The following IPO11 variants were observed in gnomAD, a reference collection of about 807,000 sequenced individuals.
IPO11 encodes the protein importin-11.
A neutral mutation model predicts 143.2 loss-of-function variants in IPO11; 66 were observed. The ratio of observed to expected loss-of-function variants is 0.46; its 90% CI spans 0.38 to 0.57. IPO11 has a LOEUF of 0.57. Among genes scored for constraint, IPO11 ranks in the 20% least tolerant of loss-of-function variants. IPO11 has a pLI of 0.00. For missense variants in IPO11, 1,026 were observed against 1,141.0 expected, an observed-to-expected ratio of 0.90 and a Z score of 1.45; for synonymous variants, 385 against 377.8, an observed-to-expected ratio of 1.02 and a Z score of -0.22.
intron 29 of IPO11, among the ~76,000 whole-genome samples, chr5:62,620,056 A>G (rs1424056919): frequency 1.3e-5 from 2 of 152,134 alleles, no homozygotes; most frequent in East Asian, 3.9e-4. Context: ...GTCAACAAAA[A>G]GAGTCATACT....
At chr5:62,452,723 G>GGGGTGTGTGT (rs1410575066) in intron 5 of IPO11, among the ~76,000 whole-genome samples, 2 of 135,334 alleles carry the variant, frequency 1.5e-5, no homozygotes, top group Admixed American at 7.3e-5. Flanking sequence ...TTTTTGGTGG[G>GGGGTGTGTGT]GTGTGTGTGT....
At chr5:62,597,206 C>T (rs1233541484) in intron 28 of IPO11, among the ~76,000 whole-genome samples, 1 of 152,042 alleles carries the variant, frequency 6.6e-6, no homozygotes, top group African/African-American at 2.4e-5. Context: ...TTTGGGAAAC[C>T]TGTGGCATCA....
chr5:62,481,223 C>A (rs537509153), intron 9 of IPO11, among the ~76,000 whole-genome samples: 2 of 152,060 alleles, frequency 1.3e-5, no homozygotes, highest in Non-Finnish European at 2.9e-5. Context: ...TGGCCGACTT[C>A]CTCTTTTCCT....
intron 7 of IPO11, among the ~76,000 whole-genome samples, chr5:62,472,268 A>G (rs980996024): frequency 6.6e-6 from 1 of 152,196 alleles, no homozygotes; most frequent in African/African-American, 2.4e-5. Context: ...CATTATATTA[A>G]CCAGAATATT....
At chr5:62,522,741 C>G (rs1171427960) in intron 20 of IPO11, among the ~76,000 whole-genome samples, 2 of 152,162 alleles carry the variant, frequency 1.3e-5, no homozygotes, top group East Asian at 3.8e-4. Context: ...TATCCCTGTT[C>G]TTGATTACCT....
intron 1 of IPO11, among the ~76,000 whole-genome samples, chr5:62,416,099 A>C (rs1447135702): frequency 6.7e-6 from 1 of 150,206 alleles, no homozygotes; most frequent in Non-Finnish European, 1.5e-5. Context: ...GCAGATGGCC[A>C]CCTTCTTGCT....
At chr5:62,461,247 G>A (rs990096606) in intron 5 of IPO11, among the ~76,000 whole-genome samples, 15 of 152,048 alleles carry the variant, frequency 9.9e-5, no homozygotes, top group Non-Finnish European at 1.5e-4. Context: ...GGGATGGGGG[G>A]TTGAGAGGAT....
chr5:62,597,760 C>T (rs948284433), intron 28 of IPO11, among the ~76,000 whole-genome samples: 5 of 152,094 alleles, frequency 3.3e-5, no homozygotes, highest in African/African-American at 1.2e-4. Context: ...GTTGTCATGC[C>T]CTGAGCCCAG....
intron 27 of IPO11, among the ~76,000 whole-genome samples, chr5:62,570,915 C>T (rs2112384135): frequency 6.6e-6 from 1 of 152,264 alleles, no homozygotes; most frequent in African/African-American, 2.4e-5. Flanking sequence ...AACTGCTTTA[C>T]AATGAGAATA....
At chr5:62,617,673 G>T (rs774349123) in intron 29 of IPO11, among the ~76,000 whole-genome samples, 3 of 151,628 alleles carry the variant, frequency 2.0e-5, no homozygotes, top group Non-Finnish European at 4.4e-5. Flanking sequence ...TAAAGAGTTC[G>T]CCCCATTGCT....
intron 5 of IPO11, among the ~76,000 whole-genome samples, chr5:62,457,916 A>G (rs945306331): frequency 1.3e-5 from 2 of 152,156 alleles, no homozygotes; most frequent in Non-Finnish European, 2.9e-5. Context: ...TGGGAGGCCG[A>G]GGAGGGCGGA....
chr5:62,461,330 C>G (rs889210850), intron 5 of IPO11, among the ~76,000 whole-genome samples: 1 of 152,022 alleles, frequency 6.6e-6, no homozygotes, highest in Non-Finnish European at 1.5e-5. Flanking sequence ...GGATTCTTGC[C>G]GAAAGCAACC....
chr5:62,537,337 AT>A, intron 24 of IPO11, 48 bp downstream of exon 24: 1 of 1,184,228 alleles, frequency 8.4e-7, no homozygotes, highest in South Asian at 1.3e-5. Context: ...TTTCATTTAT[AT>A]TTTATGAAAT....
intron 22 of IPO11, 90 bp downstream of exon 22, chr5:62,530,875 G>C: frequency 1.0e-6 from 1 of 969,362 alleles, no homozygotes; most frequent in South Asian, 1.4e-5. Flanking sequence ...TTACAACAAA[G>C]TTGTAAGTTC....
chr5:62,561,138 G>A lies in IPO11; in HGVS notation c.2463G>A (p.Met821Ile). 1 of 1,602,376 alleles carries A rather than the reference G, an allele frequency of 6.2e-7. No individual in the cohort carries two copies. The highest frequency in any genetic ancestry group is 8.5e-7 in the Non-Finnish European group (1 of 1,175,074). ...GATGCCTCCTCCTCTTGTTTCAGAT[G>A]GACCAGCTTTTGGGAAATATGATTG... Reference protein sequence around the residue: ...NEMAHKFNQEMDQLLGNMIEM... With the variant: ...NEMAHKFNQEIDQLLGNMIEM... Residue 821 changes from methionine to isoleucine, a missense_variant and splice_region_variant, in exon 27 of 30, where the codon ATG becomes ATA. Physicochemically the swap from Met to Ile is conservative, Grantham distance 10. Coordinates refer to ENST00000325324, the MANE Select transcript of IPO11 (RefSeq NM_016338.5).
intron 2 of IPO11, among the ~76,000 whole-genome samples, chr5:62,441,755 G>A (rs1744489064): frequency 6.7e-6 from 1 of 149,802 alleles, no homozygotes; most frequent in Admixed American, 6.7e-5. Flanking sequence ...ACCTCATGGT[G>A]GTCCACCTGC....
At chr5:62,583,163 AT>A (rs1293163256) in intron 27 of IPO11, among the ~76,000 whole-genome samples, 11 of 152,040 alleles carry the variant, frequency 7.2e-5, no homozygotes, top group Non-Finnish European at 1.3e-4. Context: ...TTAATAATGT[AT>A]TTTTTTCTTT....
chr5:62,561,120 C>A lies in IPO11; in HGVS notation c.2461-16C>A. On this transcript the variant is annotated splice_polypyrimidine_tract_variant and intron_variant, in intron 26 of 29. Transcript: ENST00000325324. Reference sequence around the variant, plus strand: ...ATATTTTAGGTATTTTGAGATGCCTCCTCCTCTTGTTTCAGATGGACCAGC... The same window carrying A: ...ATATTTTAGGTATTTTGAGATGCCTACTCCTCTTGTTTCAGATGGACCAGC... 6.3e-7 allele frequency: 1 copy of A among 1,596,164 alleles called. No homozygotes were observed. Among genetic ancestry groups the A allele is most frequent in the Non-Finnish European group, 8.5e-7 (1 of 1,172,262 alleles).
chr5:62,458,340 A>C (rs1033843991), intron 5 of IPO11, among the ~76,000 whole-genome samples: 4 of 101,202 alleles, frequency 4.0e-5, no homozygotes, highest in East Asian at 4.6e-4. Context: ...TTGCTGTGTC[A>C]CCCAGGCTGG....
Sources: gnomAD v4.1 joint callset for allele counts (sites outside exome capture counted in the v4.1 genomes callset) on GRCh38, gnomAD v4.1.1 for gene constraint, MANE v1.5 for transcripts, NCBI Gene and HGNC (gene_info 2026-07-23, HGNC 2026-07-21) for gene names.